The following COLEC11 variants were observed in gnomAD, a reference collection of about 807,000 sequenced individuals.
COLEC11 encodes collectin subfamily member 11, also known as collectin-11.
COLEC11 carries 20 observed loss-of-function variants against 27.3 expected under a neutral mutation model. The ratio of observed to expected loss-of-function variants is 0.73; its 90% CI spans 0.51 to 1.06. The LOEUF is 1.06. Among genes scored for constraint, COLEC11 ranks in the 50% least tolerant of loss-of-function variants. COLEC11 has a pLI of 0.00. For missense variants in COLEC11, 310 were observed against 383.0 expected, an observed-to-expected ratio of 0.81 and a Z score of 1.59; for synonymous variants, 163 against 154.7, an observed-to-expected ratio of 1.05 and a Z score of -0.40.
intron 1 of COLEC11, 169 bp from the exon 2 acceptor site, chr2:3,604,146 G>A (rs559182998): frequency 1.3e-5 from 9 of 705,466 alleles, no homozygotes; most frequent in African/African-American, 1.2e-4. Flanking sequence ...GCTTCTCAGT[G>A]GAGGCTCATG....
At chr2:3,605,926 G>C (rs1285326882) in intron 2 of COLEC11, 1 of 782,454 alleles carries the variant, frequency 1.3e-6, no homozygotes, top group East Asian at 3.1e-5. Context: ...GAAACCAAGT[G>C]GACTGTCCTG....
chr2:3,604,322 T>C lies in COLEC11; in HGVS notation c.-19T>C. ...ATTCCTTCCTCTGTGTAGGAGTTGGTGTCCTGCCTGCGCTCAGGATGAGGG... is the reference window on the plus strand; with the variant it reads ...ATTCCTTCCTCTGTGTAGGAGTTGGCGTCCTGCCTGCGCTCAGGATGAGGG... On this transcript the variant is annotated 5_prime_UTR_variant, in exon 2 of 7. Transcript: ENST00000349077. 6.2e-7 allele frequency: 1 copy of C among 1,614,190 alleles called. No individual in the cohort carries two copies. The highest frequency in any genetic ancestry group is 2.2e-5 in the East Asian group (1 of 44,884).
At chr2:3,603,326 TA>T in intron 1 of COLEC11, 1 of 201,582 alleles carries the variant, frequency 5.0e-6, no homozygotes, top group Non-Finnish European at 1.0e-5. Flanking sequence ...TATTATATTT[TA>T]TTTTTTTTTG....
intron 3 of COLEC11, among the ~76,000 whole-genome samples, chr2:3,624,687 G>A (rs928387439): frequency 6.6e-6 from 1 of 152,208 alleles, no homozygotes; most frequent in Non-Finnish European, 1.5e-5. Flanking sequence ...ACCCTCATCA[G>A]TGCATCTATT....
chr2:3,642,708 G>C (rs1193111521), intron 5 of COLEC11, among the ~76,000 whole-genome samples: 1 of 152,144 alleles, frequency 6.6e-6, no homozygotes, highest in Non-Finnish European at 1.5e-5. Flanking sequence ...GCCCTTGATC[G>C]CTAGGTGGTG....
rs569305623 is a variant in COLEC11, at chr2:3,639,883, G to GCGTGGCGCTCCCATCATGCTC, written c.275-391_275-371dup. 5.4e-3 allele frequency among the ~76,000 whole-genome samples: 821 copies of GCGTGGCGCTCCCATCATGCTC among 152,318 alleles called. 12 individuals carry two copies. The highest frequency in any genetic ancestry group is 0.049 in the South Asian group (236 of 4,816). On this transcript the variant is annotated intron_variant, in intron 4 of 6. Coordinates refer to ENST00000349077, the MANE Select transcript of COLEC11 (RefSeq NM_024027.5). ...TTGGATTAGATGAGCTCTCAGGCCT[G>GCGTGGCGCTCCCATCATGCTC]CGTGGCGCTCCCATCATGCTCCGTC...
chr2:3,606,312 A>G (rs1307134297), intron 2 of COLEC11: 6 of 1,381,042 alleles, frequency 4.3e-6, no homozygotes, highest in Non-Finnish European at 6.0e-6. Context: ...CGCCTTTCCC[A>G]GGTGCTGTTG....
intron 2 of COLEC11, among the ~76,000 whole-genome samples, chr2:3,608,565 G>A (rs6718497): frequency 0.057 from 8,670 of 152,276 alleles, 352 homozygotes; most frequent in African/African-American, 0.12. Context: ...GGTCACGCCT[G>A]TGATCCCGGC....
At chr2:3,609,113 A>C (rs1179908559) in intron 2 of COLEC11, among the ~76,000 whole-genome samples, 1 of 152,246 alleles carries the variant, frequency 6.6e-6, no homozygotes, top group Non-Finnish European at 1.5e-5. Flanking sequence ...CTACAGACAC[A>C]GGTCCATTAA....
intron 3 of COLEC11, among the ~76,000 whole-genome samples, chr2:3,614,412 G>A (rs1367275): frequency 0.7 from 106,334 of 152,008 alleles, 37,625 homozygotes; most frequent in South Asian, 0.88. Flanking sequence ...AAGCCCATAC[G>A]CTGTTTTTTG....
At chr2:3,633,079 C>T (rs550192514) in intron 3 of COLEC11, among the ~76,000 whole-genome samples, 2 of 152,312 alleles carry the variant, frequency 1.3e-5, no homozygotes, top group South Asian at 4.1e-4. Flanking sequence ...TGAAGCTGTT[C>T]AAGGACAGTG....
chr2:3,641,410 C>CT (rs746477951), intron 5 of COLEC11: 11 of 1,293,988 alleles, frequency 8.5e-6, no homozygotes, highest in Non-Finnish European at 1.1e-5. Context: ...GACAAAGCCT[C>CT]TGGGAGACAG....
intron 3 of COLEC11, among the ~76,000 whole-genome samples, chr2:3,614,112 C>T (rs923681109): frequency 1.3e-5 from 2 of 148,232 alleles, no homozygotes; most frequent in African/African-American, 5.0e-5. Context: ...GAGTAGCTGG[C>T]ATGTGCTATC....
chr2:3,644,425 A>G lies in COLEC11; in HGVS notation c.*307A>G. 1.7e-6 allele frequency: 1 copy of G among 574,616 alleles called. No individual in the cohort carries two copies. Among genetic ancestry groups the G allele is most frequent in the Non-Finnish European group, 3.3e-6 (1 of 305,840 alleles). 35.6% of individuals were successfully genotyped at this position (574,616 alleles called of 1,614,324 possible). On this transcript the variant is annotated 3_prime_UTR_variant, in exon 7 of 7. Coordinates refer to ENST00000349077, the MANE Select transcript of COLEC11 (RefSeq NM_024027.5). ...TGTGCCTTTGTCCAAGCTATACAAT[A>G]AAATCTTTAAGTAGTGCAGTAGTTA...
intron 2 of COLEC11, among the ~76,000 whole-genome samples, chr2:3,607,993 C>T (rs1341098697): frequency 6.6e-6 from 1 of 152,218 alleles, no homozygotes; most frequent in East Asian, 1.9e-4. Flanking sequence ...TGTGAAGTCG[C>T]TGGCACACGA....
At chr2:3,620,930 A>G (rs1023515747) in intron 3 of COLEC11, among the ~76,000 whole-genome samples, 3 of 152,204 alleles carry the variant, frequency 2.0e-5, no homozygotes, top group African/African-American at 7.2e-5. Context: ...GAATTTGTTA[A>G]GACTTGTTTT....
intron 3 of COLEC11, 77 bp downstream of exon 3, chr2:3,613,459 G>C: frequency 6.8e-7 from 1 of 1,466,106 alleles, no homozygotes. Context: ...GTGGGGAGGT[G>C]GGGGTGGTGG....
intron 2 of COLEC11, among the ~76,000 whole-genome samples, chr2:3,608,002 G>A (rs1291414090): frequency 3.9e-5 from 6 of 152,208 alleles, no homozygotes; most frequent in Non-Finnish European, 5.9e-5. Flanking sequence ...GCTGGCACAC[G>A]AGTTTGTTCA....
chr2:3,622,339 AAAC>A (rs1558504660), intron 3 of COLEC11, among the ~76,000 whole-genome samples: 2 of 152,198 alleles, frequency 1.3e-5, no homozygotes, highest in African/African-American at 2.4e-5. Context: ...AAAAACAAAC[AAAC>A]AACAACAACA....
Sources: allele counts gnomAD v4.1 joint callset (sites outside exome capture counted in the v4.1 genomes callset), GRCh38; gene constraint gnomAD v4.1.1; transcripts MANE v1.5; gene names NCBI Gene and HGNC (gene_info 2026-07-23, HGNC 2026-07-21).